MFAP5: variants seen among roughly 807,000 people sequenced by gnomAD.
MFAP5 encodes the protein microfibril associated protein 5.
Under a neutral mutation model 30.1 loss-of-function variants are expected in MFAP5, and 19 were observed. The observed-to-expected ratio is 0.63, with a 90% CI of 0.44 to 0.93. MFAP5 has a LOEUF of 0.93. Among genes scored for constraint, MFAP5 ranks in the 40% least tolerant of loss-of-function variants. The probability of loss-of-function intolerance (pLI) is 0.00; values close to 1 mark genes in which losing one functional copy is unlikely to be tolerated. For missense variants in MFAP5, 210 were observed against 221.3 expected (o/e 0.95, Z 0.32); for synonymous variants, 92 against 72.9 (o/e 1.26, Z -1.33).
intron 8 of MFAP5, 89 bp downstream of exon 8, chr12:8,650,413 G>C: frequency 7.5e-7 from 1 of 1,334,250 alleles, no homozygotes; most frequent in Non-Finnish European, 1.1e-6. Flanking sequence ...ATCAAAGTTT[G>C]CAATTCCATA....
At chr12:8,662,482 T>C in intron 1 of MFAP5, 145 bp downstream of exon 1, 1 of 218,776 alleles carries the variant, frequency 4.6e-6, no homozygotes, top group Admixed American at 5.2e-5. Context: ...GTCTCCTTCA[T>C]CAGAATTCCA....
intron 3 of MFAP5, among the ~76,000 whole-genome samples, chr12:8,658,263 T>C (rs1942057177): frequency 6.6e-6 from 1 of 152,090 alleles, no homozygotes; most frequent in Non-Finnish European, 1.5e-5. Context: ...GGCAGGAGAA[T>C]GAATTGAACT....
Position 8,650,493 on chromosome 12 carries a change from A to G in MFAP5, c.335+9T>C. ...GAAGATGCTTTTTGGGCATTCTGGG[A>G]TCCCTTACCTGGTGAAGCATAACTG... On this transcript the variant is annotated intron_variant, in intron 8 of 9. Coordinates refer to ENST00000359478, the MANE Select transcript of MFAP5 (RefSeq NM_003480.4). 1 of 1,612,884 alleles carries G rather than the reference A, an allele frequency of 6.2e-7. No individual in the cohort carries two copies. Among genetic ancestry groups the G allele is most frequent in the Non-Finnish European group, 8.5e-7 (1 of 1,178,876 alleles).
chr12:8,653,846 T>TA (rs1941905926), intron 6 of MFAP5, among the ~76,000 whole-genome samples: 1 of 152,148 alleles, frequency 6.6e-6, no homozygotes. Flanking sequence ...AATGATTTGT[T>TA]AAAAAATAAT....
At chr12:8,654,884 T>A (rs1941940233) in intron 5 of MFAP5, among the ~76,000 whole-genome samples, 2 of 148,116 alleles carry the variant, frequency 1.4e-5, no homozygotes, top group Admixed American at 1.4e-4. Context: ...GAGGTTGCTG[T>A]GAGCTGAGGT....
In MFAP5 at chr12:8,648,190, A is replaced by G. The variant is rs1357979270; in HGVS notation, c.423T>C (p.Arg141=). The G allele has an allele frequency of 6.2e-7, 1 of 1,613,106 alleles. No homozygotes were observed. The highest frequency in any genetic ancestry group is 1.3e-5 in the African/African-American group (1 of 74,900). ...EHEAMKDELC[R]QMAGLPPRRL... ...TCCTAGGGGGCAGACCAGCCATCTG[A>G]CGGCAAAGCTCATCTAGAAGAGAAG... Residue 141 remains arginine, a synonymous_variant, in exon 10 of 10, where the codon CGT becomes CGC. Transcript: ENST00000359478.
intron 3 of MFAP5, among the ~76,000 whole-genome samples, chr12:8,658,729 C>T (rs759429041): frequency 1.3e-5 from 2 of 151,520 alleles, no homozygotes; most frequent in Non-Finnish European, 2.9e-5. Flanking sequence ...TGCTTTTCTG[C>T]ATATACCTCA....
chr12:8,646,419 G>A lies in MFAP5; in HGVS notation c.*1672C>T, dbSNP rs755266591. On this transcript the variant is annotated 3_prime_UTR_variant, in exon 10 of 10. Transcript: ENST00000359478. ...ATTGGCTTTTATAGAAAGTTATTGA[G>A]TTAGTCAGACAGAAGGATTCATGAT... 2.6e-5 allele frequency: 4 copies of A among 152,238 alleles called. No individual in the cohort carries two copies. In the South Asian group the frequency reaches 8.3e-4, roughly 32 times the overall value. The allele number at this position is 152,238 out of a possible 1,614,324, so 9.4% of individuals were successfully genotyped here. A position where few individuals can be genotyped will look rare whatever the true frequency, so the allele number is the denominator to read the frequency against.
Position 8,647,226 on chromosome 12 carries a change from A to C in MFAP5, c.*865T>G, listed in dbSNP as rs1281645988. 5 of 152,246 alleles carry C rather than the reference A, an allele frequency of 3.3e-5. No individual in the cohort carries two copies. The East Asian group carries it at 9.6e-4, about 29-fold the overall frequency. The allele number at this position is 152,246 out of a possible 1,614,324, so 9.4% of individuals were successfully genotyped here. On this transcript the variant is annotated 3_prime_UTR_variant, in exon 10 of 10. Coordinates refer to ENST00000359478, the MANE Select transcript of MFAP5 (RefSeq NM_003480.4). ...ACTTGTTAAGTTGTGAAGATGAACG[A>C]AGTAGCAACTCAAGGAAACGTCAAC...
intron 3 of MFAP5, among the ~76,000 whole-genome samples, chr12:8,659,530 A>T (rs541976851): frequency 6.6e-6 from 1 of 152,124 alleles, no homozygotes; most frequent in Non-Finnish European, 1.5e-5. Flanking sequence ...AGAAAAATGA[A>T]TTCCGATTTT....
chr12:8,656,427 T>TG (rs1231791088), intron 3 of MFAP5, among the ~76,000 whole-genome samples: 11 of 149,268 alleles, frequency 7.4e-5, no homozygotes, highest in Admixed American at 4.7e-4. Context: ...TTTTTTTTTT[T>TG]TTTTAAGAGT....
rs1941698297 is a variant in MFAP5, at chr12:8,647,066, A to G, written c.*1025T>C. 1 of 152,184 alleles carries G rather than the reference A, an allele frequency of 6.6e-6. No individual in the cohort carries two copies. Among genetic ancestry groups the G allele is most frequent in the African/African-American group, 2.4e-5 (1 of 41,446 alleles). 9.4% of individuals were successfully genotyped at this position (152,184 alleles called of 1,614,324 possible). On this transcript the variant is annotated 3_prime_UTR_variant, in exon 10 of 10. Transcript: ENST00000359478. ...GGATAAGAATGTGGGTTGTCTGAAT[A>G]TTGTGTTTCTTTCACTCTTTCGTAT... is the stretch of plus-strand genomic sequence containing the variant.
intron 6 of MFAP5, among the ~76,000 whole-genome samples, chr12:8,654,050 C>G (rs886737641): frequency 6.7e-6 from 1 of 150,170 alleles, no homozygotes; most frequent in Non-Finnish European, 1.5e-5. Context: ...CGCTTGAACC[C>G]AGGAGGCGGA....
intron 9 of MFAP5, chr12:8,648,465 T>G: frequency 6.8e-6 from 8 of 1,177,748 alleles, no homozygotes; most frequent in East Asian, 4.5e-5. Context: ...AGTATTAAAA[T>G]GAAATCATGT....
chr12:8,658,444 G>A (rs1942062181), intron 3 of MFAP5: 1 of 151,888 alleles, frequency 6.6e-6, no homozygotes, highest in South Asian at 2.1e-4. Context: ...TAAGTAGGAT[G>A]TCATTGATTG....
At position 8,648,090 on chromosome 12, in the gene MFAP5, A is replaced by T. The variant is rs1941730847; in HGVS notation, c.*1T>A. ...TTTTCTTCTTTCCTCTTTTTCAATG[A>T]TCACAGACCATTGGGTCTCTGCAAA... On this transcript the variant is annotated 3_prime_UTR_variant, in exon 10 of 10. Transcript: ENST00000359478. 1.2e-6 allele frequency: 2 copies of T among 1,606,320 alleles called. No individual in the cohort carries two copies. The highest frequency in any genetic ancestry group is 1.7e-6 in the Non-Finnish European group (2 of 1,173,726).
At chr12:8,655,974 A>G in intron 3 of MFAP5, 144 bp from the exon 4 acceptor site, 1 of 687,358 alleles carries the variant, frequency 1.5e-6, no homozygotes, top group Non-Finnish European at 2.6e-6. Context: ...TACAATAATG[A>G]CAAACGATTG....
In MFAP5 at chr12:8,651,716, C is replaced by CTGT. The variant is rs1565523430; in HGVS notation, c.218-28_218-26dup. On this transcript the variant is annotated intron_variant, in intron 6 of 9. Coordinates refer to ENST00000359478, the MANE Select transcript of MFAP5 (RefSeq NM_003480.4). ...GCTGAAAGGCAGAAATTTTATTCCA[C>CTGT]TGTTACCAATTCTAGAAGTTACTAC... is the stretch of plus-strand genomic sequence containing the variant. 1.9e-6 allele frequency: 3 copies of CTGT among 1,609,322 alleles called. No individual in the cohort carries two copies. The African/African-American group carries it at 4.0e-5, about 21-fold the overall frequency.
At chr12:8,653,552 T>C (rs1460355377) in intron 6 of MFAP5, among the ~76,000 whole-genome samples, 1 of 152,154 alleles carries the variant, frequency 6.6e-6, no homozygotes, top group African/African-American at 2.4e-5. Flanking sequence ...AGCTCTTCCC[T>C]CTTCTATTAA....
Sources: allele counts gnomAD v4.1 joint callset (sites outside exome capture counted in the v4.1 genomes callset), GRCh38; gene constraint gnomAD v4.1.1; transcripts MANE v1.5; gene names NCBI Gene and HGNC (gene_info 2026-07-23, HGNC 2026-07-21).